PARVA: variants seen among roughly 807,000 people sequenced by gnomAD.
PARVA encodes the protein alpha-parvin.
In PARVA, 25 loss-of-function variants were observed where a neutral mutation model predicts 52.6. The observed-to-expected ratio is 0.48, with a 90% confidence interval of 0.35 to 0.66. PARVA has a LOEUF of 0.66. Among genes scored for constraint, PARVA ranks in the 30% least tolerant of loss-of-function variants. PARVA has a pLI of 0.01. For missense variants in PARVA, 373 were observed against 450.9 expected (o/e 0.83, Z 1.56); for synonymous variants, 185 against 179.1 (o/e 1.03, Z -0.26).
chr11:12,480,854 G>T (rs1254421641), intron 4 of PARVA: 1 of 151,186 alleles, frequency 6.6e-6, no homozygotes, highest in Admixed American at 6.6e-5. Context: ...TCCTGGGAGG[G>T]ATCAGTCTGG....
intron 12 of PARVA, 137 bp from the exon 13 acceptor site, chr11:12,527,712 C>T: frequency 1.4e-6 from 1 of 721,798 alleles, no homozygotes; most frequent in Non-Finnish European, 2.5e-6. Context: ...TGAATTCTCG[C>T]TGCCCACTCT....
chr11:12,527,841 C>T lies in PARVA; in HGVS notation c.1043-8C>T. The T allele has an allele frequency of 6.2e-7, 1 of 1,610,130 alleles. No homozygotes were observed. The highest frequency in any genetic ancestry group is 1.1e-5 in the South Asian group (1 of 90,998). On this transcript the variant is annotated splice_region_variant and splice_polypyrimidine_tract_variant and intron_variant, in intron 12 of 12. Coordinates refer to ENST00000334956, the MANE Select transcript of PARVA (RefSeq NM_018222.5). ...GGAAACAATTGGTGTTTTTTGTTTT[C>T]TACGCAGACATAGTCAACTGTGACC...
chr11:12,506,327 A>G (rs1472975747), intron 6 of PARVA, among the ~76,000 whole-genome samples: 2 of 152,220 alleles, frequency 1.3e-5, no homozygotes, highest in Non-Finnish European at 2.9e-5. Flanking sequence ...TCTTATCACT[A>G]GAGGAGATAA....
At chr11:12,499,103 C>A (rs764059010) in intron 5 of PARVA, among the ~76,000 whole-genome samples, 4 of 152,094 alleles carry the variant, frequency 2.6e-5, no homozygotes, top group Non-Finnish European at 5.9e-5. Context: ...TAGCTTGTGC[C>A]TCTTTTTGCT....
intron 1 of PARVA, among the ~76,000 whole-genome samples, chr11:12,431,829 T>G (rs1245853472): frequency 4.6e-5 from 7 of 152,256 alleles, no homozygotes; most frequent in African/African-American, 1.7e-4. Context: ...TTGCTTGCCC[T>G]TTGGGACTTT....
At position 12,529,997 on chromosome 11, in the gene PARVA, A is replaced by T. The variant is rs1236649370; in HGVS notation, c.*2072A>T. On this transcript the variant is annotated 3_prime_UTR_variant, in exon 13 of 13. Coordinates refer to ENST00000334956, the MANE Select transcript of PARVA (RefSeq NM_018222.5). ...CTTGAGCAATACTGAAGCAGGATGA[A>T]GTAAGAGGAATGCATTCATTTAAAC... 6.6e-6 allele frequency: 1 copy of T among 152,248 alleles called. No homozygotes were observed. The highest frequency in any genetic ancestry group is 1.5e-5 in the Non-Finnish European group (1 of 68,044). The allele number at this position is 152,248 out of a possible 1,614,324, so 9.4% of individuals were successfully genotyped here.
intron 4 of PARVA, among the ~76,000 whole-genome samples, chr11:12,490,294 C>T (rs752997627): frequency 2.0e-5 from 3 of 150,918 alleles, no homozygotes; most frequent in African/African-American, 7.3e-5. Flanking sequence ...GAGGCTGAGG[C>T]GAATGGATCA....
chr11:12,477,421 G>C (rs895665939), intron 3 of PARVA, among the ~76,000 whole-genome samples: 1 of 152,140 alleles, frequency 6.6e-6, no homozygotes. Flanking sequence ...GCCGTACACT[G>C]TGAGTGTTGC....
At chr11:12,464,463 C>T (rs1039884631) in intron 1 of PARVA, among the ~76,000 whole-genome samples, 1 of 152,176 alleles carries the variant, frequency 6.6e-6, no homozygotes, top group African/African-American at 2.4e-5. Context: ...AACCCATACC[C>T]TATGGGAAAC....
In PARVA at chr11:12,530,215, G is replaced by A. The variant is rs2135096901; in HGVS notation, c.*2290G>A. 6.6e-6 allele frequency: 1 copy of A among 152,248 alleles called. No homozygotes were observed. The highest frequency in any genetic ancestry group is 2.1e-4 in the South Asian group (1 of 4,818). 9.4% of individuals were successfully genotyped at this position (152,248 alleles called of 1,614,324 possible). A position where few individuals can be genotyped will look rare whatever the true frequency, so the allele number is the denominator to read the frequency against. On this transcript the variant is annotated 3_prime_UTR_variant, in exon 13 of 13. Transcript: ENST00000334956. ...TCAGAAAATTGTGTTTTGGGATTGAGTTCTTTGTCTCAGCCCAGAATCCCA... is the reference window on the plus strand; with the variant it reads ...TCAGAAAATTGTGTTTTGGGATTGAATTCTTTGTCTCAGCCCAGAATCCCA...
At chr11:12,506,710 T>G (rs1451000610) in intron 6 of PARVA, among the ~76,000 whole-genome samples, 1 of 152,044 alleles carries the variant, frequency 6.6e-6, no homozygotes, top group Non-Finnish European at 1.5e-5. Context: ...GCACATCAGG[T>G]TTTATGGGGT....
At chr11:12,504,250 T>C in intron 5 of PARVA, 64 bp from the exon 6 acceptor site, 1 of 896,348 alleles carries the variant, frequency 1.1e-6, no homozygotes, top group South Asian at 1.5e-5. Context: ...ACTTTGAACA[T>C]CTGCTTATAT....
intron 1 of PARVA, among the ~76,000 whole-genome samples, chr11:12,433,315 A>G (rs566611455): frequency 6.6e-6 from 1 of 152,312 alleles, no homozygotes; most frequent in East Asian, 1.9e-4. Flanking sequence ...ATGGCCACAA[A>G]ATGTGTAAGC....
chr11:12,483,405 A>C (rs2135047221), intron 4 of PARVA, among the ~76,000 whole-genome samples: 1 of 152,340 alleles, frequency 6.6e-6, no homozygotes, highest in East Asian at 1.9e-4. Context: ...AAACACGAGT[A>C]TGTTAATCAG....
intron 6 of PARVA, among the ~76,000 whole-genome samples, chr11:12,508,099 T>TA (rs35314523): frequency 0.036 from 3,340 of 91,624 alleles, 83 homozygotes; most frequent in African/African-American, 0.087. Context: ...ATTTATCAGT[T>TA]AAAAAAAAAA....
chr11:12,389,901 G>A (rs746500734), intron 1 of PARVA, among the ~76,000 whole-genome samples: 20 of 152,158 alleles, frequency 1.3e-4, no homozygotes, highest in Non-Finnish European at 2.9e-4. Context: ...ATGTGTCAGG[G>A]CATTTATTTC....
At chr11:12,522,959 TGA>T (rs1380430362) in intron 12 of PARVA, among the ~76,000 whole-genome samples, 3 of 151,962 alleles carry the variant, frequency 2.0e-5, no homozygotes, top group African/African-American at 4.8e-5. Flanking sequence ...ATTTGGGGAA[TGA>T]GAGAGGGAAT....
chr11:12,435,917 A>C (rs546895380), intron 1 of PARVA, among the ~76,000 whole-genome samples: 59 of 152,034 alleles, frequency 3.9e-4, no homozygotes, highest in South Asian at 8.3e-4. Flanking sequence ...TCCCGGGTTC[A>C]AGTTTCCGGA....
At chr11:12,504,774 G>GGTGTGGGTGTGTGTGT (rs1554901961) in intron 6 of PARVA, among the ~76,000 whole-genome samples, 1 of 149,240 alleles carries the variant, frequency 6.7e-6, no homozygotes, top group Non-Finnish European at 1.5e-5. Flanking sequence ...AAGGTATGTG[G>GGTGTGGGTGTGTGTGT]GTGTGTGTGT....
Sources: gnomAD v4.1 joint callset for allele counts (sites outside exome capture counted in the v4.1 genomes callset) on GRCh38, gnomAD v4.1.1 for gene constraint, MANE v1.5 for transcripts, NCBI Gene and HGNC (gene_info 2026-07-23, HGNC 2026-07-21) for gene names.